Variants in PLEKHA7 observed in about 807,000 individuals in gnomAD.
PLEKHA7 encodes the protein pleckstrin homology domain containing A7, also known as pleckstrin homology domain-containing family A member 7.
PLEKHA7 carries 104 observed loss-of-function variants against 170.0 expected under a neutral mutation model. The ratio of observed to expected loss-of-function variants is 0.61; its 90% confidence interval spans 0.52 to 0.72. PLEKHA7 has a LOEUF of 0.72. Among genes scored for constraint, PLEKHA7 ranks in the 30% least tolerant of loss-of-function variants. The probability of loss-of-function intolerance (pLI) is 0.00; values close to 1 mark genes in which losing one functional copy is unlikely to be tolerated. For synonymous variants in PLEKHA7, 648 were observed against 660.8 expected (o/e 0.98, Z 0.30); for missense variants, 1,615 against 1,671.7 (o/e 0.97, Z 0.59).
At chr11:16,931,866 G>A (rs1040157287) in intron 3 of PLEKHA7, among the ~76,000 whole-genome samples, 2 of 151,932 alleles carry the variant, frequency 1.3e-5, no homozygotes, top group Admixed American at 6.6e-5. Context: ...ACAAAACTAG[G>A]GCACGATGAA....
At chr11:16,869,151 C>T (rs1274278899) in intron 4 of PLEKHA7, among the ~76,000 whole-genome samples, 1 of 152,192 alleles carries the variant, frequency 6.6e-6, no homozygotes, top group Non-Finnish European at 1.5e-5. Flanking sequence ...TCTTTTTACA[C>T]AGCAGTTCTT....
intron 3 of PLEKHA7, among the ~76,000 whole-genome samples, chr11:16,970,384 C>T (rs1432570976): frequency 6.6e-6 from 1 of 152,122 alleles, no homozygotes; most frequent in East Asian, 1.9e-4. Context: ...GTAGGCTGGG[C>T]ACAGTGGCTC....
Position 17,014,057 on chromosome 11 carries a change from G to A in PLEKHA7, c.164-11C>T. 6.4e-7 allele frequency: 1 copy of A among 1,570,444 alleles called. No individual in the cohort carries two copies. Reference sequence around the variant, plus strand: ...AGCCGCGGGGCAGGTCTGCGGAAACGCCAGAAAAGTCGGGTCAAACTTGGG... The same window carrying A: ...AGCCGCGGGGCAGGTCTGCGGAAACACCAGAAAAGTCGGGTCAAACTTGGG... On this transcript the variant is annotated splice_polypyrimidine_tract_variant and intron_variant, in intron 2 of 26. Transcript: ENST00000531066.
Position 16,889,417 on chromosome 11 carries a change from A to AT in PLEKHA7, c.222-18236_222-18235insA, listed in dbSNP as rs1565076328. Among the ~76,000 whole-genome samples the AT allele has an allele frequency of 2.7e-3, 301 of 111,186 alleles. 1 individual carries two copies. The highest frequency in any genetic ancestry group is 8.1e-3 in the African/African-American group (196 of 24,332). 72.9% of individuals were successfully genotyped at this position (111,186 alleles called of 152,430 possible). On this transcript the variant is annotated intron_variant, in intron 3 of 26. Transcript: ENST00000531066. The stretch of plus-strand genomic sequence containing the variant: ...TTATTGCTCAAAAAAAAAAAAAAAA[A>AT]AAAATATATATATATATATATATAT...
rs1255500717 is a variant in PLEKHA7, at chr11:16,851,279, TC to T, written c.607del (p.Glu203LysfsTer13). ...CAAGGGGATGCTCCCGAGGACCGCT[TC>T]TTCTCGGCTGTCTTTGAATGGAAAA... ...CLFYYKDSRE[E>X]AVLGSIPLPS... On this transcript the variant is annotated frameshift_variant, in exon 8 of 27. Transcript: ENST00000531066. LOFTEE classifies it high-confidence loss of function. 1 of 1,610,230 alleles carries T rather than the reference TC, an allele frequency of 6.2e-7. No individual in the cohort carries two copies. The highest frequency in any genetic ancestry group is 1.3e-5 in the African/African-American group (1 of 74,946).
At chr11:16,949,542 C>T (rs959186618) in intron 3 of PLEKHA7, among the ~76,000 whole-genome samples, 13 of 152,150 alleles carry the variant, frequency 8.5e-5, no homozygotes, top group African/African-American at 2.2e-4. Flanking sequence ...ATGCAGATGG[C>T]CTGTGGATCA....
At chr11:16,781,003 C>T (rs1416042371) in intron 26 of PLEKHA7, 6 of 986,236 alleles carry the variant, frequency 6.1e-6, no homozygotes, top group Middle Eastern at 5.2e-4. Flanking sequence ...AAGGTGGCAC[C>T]GTCCTGGAAG....
chr11:16,906,069 G>C (rs1447689667), intron 3 of PLEKHA7, among the ~76,000 whole-genome samples: 3 of 152,182 alleles, frequency 2.0e-5, no homozygotes, highest in Admixed American at 6.5e-5. Context: ...GACAGCCCTA[G>C]AAGTTCCAGC....
At chr11:16,931,767 C>G (rs79672854) in intron 3 of PLEKHA7, among the ~76,000 whole-genome samples, 1 of 33,700 alleles carries the variant, frequency 3.0e-5, no homozygotes, top group Non-Finnish European at 6.4e-5. Context: ...CCCCCCCCCC[C>G]AAAAAAAAAA....
At chr11:17,002,336 T>C (rs1864714301) in intron 3 of PLEKHA7, among the ~76,000 whole-genome samples, 1 of 151,802 alleles carries the variant, frequency 6.6e-6, no homozygotes, top group African/African-American at 2.4e-5. Context: ...CCCAGGAGTT[T>C]GAAGTTACAG....
intron 3 of PLEKHA7, among the ~76,000 whole-genome samples, chr11:16,877,411 G>A (rs1245043391): frequency 2.4e-4 from 37 of 152,286 alleles, no homozygotes; most frequent in Non-Finnish European, 2.9e-5. Flanking sequence ...CAATAAAGAG[G>A]TAGCAATCAA....
At chr11:16,786,984 GT>G (rs1849443429) in intron 23 of PLEKHA7, 2 of 985,076 alleles carry the variant, frequency 2.0e-6, no homozygotes, top group African/African-American at 1.7e-5. Flanking sequence ...TGAGATAGAT[GT>G]TTTCTTTAAA....
At chr11:16,883,000 A>G (rs997627079) in intron 3 of PLEKHA7, among the ~76,000 whole-genome samples, 1 of 152,182 alleles carries the variant, frequency 6.6e-6, no homozygotes, top group Non-Finnish European at 1.5e-5. Flanking sequence ...ATTTCACAAA[A>G]GAGGAAACTG....
At chr11:16,986,909 G>T (rs1863759807) in intron 3 of PLEKHA7, among the ~76,000 whole-genome samples, 1 of 152,208 alleles carries the variant, frequency 6.6e-6, no homozygotes, top group Non-Finnish European at 1.5e-5. Flanking sequence ...CCCAGAGAAG[G>T]TTTTAACAAG....
At chr11:16,947,021 C>T (rs1861073432) in intron 3 of PLEKHA7, among the ~76,000 whole-genome samples, 1 of 152,160 alleles carries the variant, frequency 6.6e-6, no homozygotes, top group South Asian at 2.1e-4. Context: ...GCCAGCACCC[C>T]CTGGGAACCT....
In PLEKHA7 at chr11:16,794,540, A is replaced by G. The variant is rs1033464918; in HGVS notation, c.2693T>C (p.Leu898Pro). 2 of 1,613,954 alleles carry G rather than the reference A, an allele frequency of 1.2e-6. No individual in the cohort carries two copies. Among genetic ancestry groups the G allele is most frequent in the African/African-American group, 2.7e-5 (2 of 75,018 alleles). ...YVPYRPHPPQ[L>P]RKVTSPLQSP... ...CTGAAGGGGGGATGTCACTTTCCTC[A>G]GCTGGGGTGGGTGAGGTCGGTACGG... Residue 898 changes from leucine (L) to proline (P), a missense_variant, in exon 19 of 27, where the codon CTG (leucine) becomes CCG (proline). Coordinates refer to ENST00000531066, the MANE Select transcript of PLEKHA7 (RefSeq NM_001329630.2).
At chr11:16,968,373 G>A (rs1448153874) in intron 3 of PLEKHA7, among the ~76,000 whole-genome samples, 1 of 152,178 alleles carries the variant, frequency 6.6e-6, no homozygotes, top group African/African-American at 2.4e-5. Context: ...CTCTACTCCT[G>A]CTCAACTCAT....
At chr11:16,937,732 C>T (rs1279532155) in intron 3 of PLEKHA7, among the ~76,000 whole-genome samples, 1 of 152,068 alleles carries the variant, frequency 6.6e-6, no homozygotes, top group East Asian at 1.9e-4. Context: ...CCTCAGCCTC[C>T]TGAGTAGCTG....
At chr11:16,987,042 C>T (rs1015047818) in intron 3 of PLEKHA7, among the ~76,000 whole-genome samples, 1 of 152,196 alleles carries the variant, frequency 6.6e-6, no homozygotes, top group Non-Finnish European at 1.5e-5. Flanking sequence ...AGCTGTTTTA[C>T]AATCCATCAA....
Sources: allele counts gnomAD v4.1 joint callset (sites outside exome capture counted in the v4.1 genomes callset), GRCh38; gene constraint gnomAD v4.1.1; transcripts MANE v1.5; gene names NCBI Gene and HGNC (gene_info 2026-07-23, HGNC 2026-07-21).